The following NME7 variants were observed in gnomAD, a reference collection of about 807,000 sequenced individuals.
The protein encoded by NME7 is NME/NM23 family member 7.
Under a neutral mutation model 49.1 loss-of-function variants are expected in NME7, and 41 were observed. The ratio of observed to expected loss-of-function variants is 0.83; its 90% CI spans 0.65 to 1.08. NME7 has a LOEUF of 1.08. Among genes scored for constraint, NME7 ranks in the 50% least tolerant of loss-of-function variants. The probability of loss-of-function intolerance (pLI) is 0.00; values close to 1 mark genes in which losing one functional copy is unlikely to be tolerated. For synonymous variants in NME7, 139 were observed against 150.6 expected (o/e 0.92, Z 0.56); for missense variants, 423 against 463.4 (o/e 0.91, Z 0.80).
rs577854520 is a variant in NME7, at chr1:169,312,421, C to A, written c.279-2341G>T. ...GATTCATTGAGAGCCATCAGTGTAA[C>A]AATCTACCACTTAGTAATCCTCTTG... is the stretch of plus-strand genomic sequence containing the variant. On this transcript the variant is annotated intron_variant, in intron 3 of 11. Transcript: ENST00000367811. Among the ~76,000 whole-genome samples the A allele has an allele frequency of 3.6e-4, 55 of 152,342 alleles. 1 individual carries two copies. Among genetic ancestry groups the A allele is most frequent in the Admixed American group, 2.6e-3 (40 of 15,308 alleles).
At position 169,350,308 on chromosome 1, in the gene NME7, G is replaced by A. The variant is rs1653118144; in HGVS notation, c.3+17400C>T. Among the ~76,000 whole-genome samples the A allele has an allele frequency of 2.6e-5, 3 of 115,372 alleles. No homozygotes were observed. The South Asian group carries it at 8.1e-4, about 31-fold the overall frequency. 75.7% of individuals were successfully genotyped at this position (115,372 alleles called of 152,430 possible). On this transcript the variant is annotated intron_variant, in intron 1 of 11. Transcript: ENST00000367811. The stretch of plus-strand genomic sequence containing the variant: ...AAGGAAAGAGCCCTGCTCTCAAGGA[G>A]CTCACTCTCCTTAGTACATTACTGA...
intron 1 of NME7, among the ~76,000 whole-genome samples, chr1:169,349,241 T>A (rs1429511089): frequency 6.6e-6 from 1 of 152,220 alleles, no homozygotes; most frequent in South Asian, 2.1e-4. Context: ...TTTTAATATA[T>A]CCCCTCCAGT....
intron 7 of NME7, among the ~76,000 whole-genome samples, chr1:169,270,153 A>C (rs558692071): frequency 1.5e-5 from 2 of 134,672 alleles, no homozygotes; most frequent in East Asian, 4.0e-4. Context: ...TAAAACTTTA[A>C]AACAATCTTA....
At chr1:169,354,737 C>T (rs1418418343) in intron 1 of NME7, among the ~76,000 whole-genome samples, 1 of 141,896 alleles carries the variant, frequency 7.0e-6, no homozygotes, top group Non-Finnish European at 1.5e-5. Flanking sequence ...CACATACACA[C>T]ACCTAGTATA....
chr1:169,215,703 G>A (rs1660955993), intron 10 of NME7, among the ~76,000 whole-genome samples: 1 of 152,180 alleles, frequency 6.6e-6, no homozygotes, highest in African/African-American at 2.4e-5. Flanking sequence ...GGTAGGCTAA[G>A]GCAGATGAAT....
intron 3 of NME7, among the ~76,000 whole-genome samples, chr1:169,318,545 T>C (rs1016035067): frequency 6.6e-6 from 1 of 152,222 alleles, no homozygotes; most frequent in African/African-American, 2.4e-5. Context: ...GAATATTGTG[T>C]TAGTGCATAC....
At chr1:169,356,808 T>G (rs1327784355) in intron 1 of NME7, among the ~76,000 whole-genome samples, 1 of 152,166 alleles carries the variant, frequency 6.6e-6, no homozygotes. Flanking sequence ...CCAGTAACTT[T>G]AGGGAATCAA....
chr1:169,245,651 A>G (rs959363524), intron 7 of NME7, among the ~76,000 whole-genome samples: 7 of 152,214 alleles, frequency 4.6e-5, no homozygotes, highest in African/African-American at 1.7e-4. Flanking sequence ...ATTTAAATCA[A>G]ATTGGAAGGA....
chr1:169,264,661 T>A (rs886372344), intron 7 of NME7, among the ~76,000 whole-genome samples: 1 of 132,716 alleles, frequency 7.5e-6, no homozygotes, highest in Non-Finnish European at 1.8e-5. Flanking sequence ...TACACAATAA[T>A]AGTGGGAGAC....
At chr1:169,293,936 T>C (rs898001717) in intron 6 of NME7, among the ~76,000 whole-genome samples, 2 of 152,164 alleles carry the variant, frequency 1.3e-5, no homozygotes, top group Non-Finnish European at 2.9e-5. Flanking sequence ...ATAGACTTTT[T>C]TTTAACCGTA....
intron 10 of NME7, among the ~76,000 whole-genome samples, chr1:169,185,198 G>A (rs1471686569): frequency 2.0e-5 from 3 of 152,140 alleles, no homozygotes; most frequent in Non-Finnish European, 4.4e-5. Context: ...GGCCTCCACT[G>A]TTTGTAAGTC....
At chr1:169,158,540 G>C (rs912947809) in intron 11 of NME7, among the ~76,000 whole-genome samples, 2 of 152,042 alleles carry the variant, frequency 1.3e-5, no homozygotes, top group Non-Finnish European at 2.9e-5. Context: ...CTACTCTATA[G>C]ATATAAGGAG....
intron 10 of NME7, among the ~76,000 whole-genome samples, chr1:169,228,670 C>T (rs980379035): frequency 1.5e-5 from 2 of 131,718 alleles, no homozygotes; most frequent in Non-Finnish European, 3.1e-5. Flanking sequence ...GGCGACAGAG[C>T]GAGACTCCGT....
At chr1:169,326,715 C>G (rs12038609) in intron 1 of NME7, among the ~76,000 whole-genome samples, 2 of 152,132 alleles carry the variant, frequency 1.3e-5, no homozygotes, top group South Asian at 4.1e-4. Flanking sequence ...TTTACCTTTA[C>G]AGTAAAAACT....
At chr1:169,272,472 G>A (rs1385586764) in intron 7 of NME7, among the ~76,000 whole-genome samples, 3 of 92,404 alleles carry the variant, frequency 3.2e-5, no homozygotes, top group Admixed American at 1.4e-4. Context: ...AGGCCGCAGC[G>A]TGTGTTGTTC....
intron 9 of NME7, among the ~76,000 whole-genome samples, chr1:169,231,363 C>T (rs570902236): frequency 1.3e-5 from 2 of 152,206 alleles, no homozygotes; most frequent in Non-Finnish European, 2.9e-5. Context: ...TGTAGAATTG[C>T]TCTGTCTTAC....
intron 10 of NME7, among the ~76,000 whole-genome samples, chr1:169,188,286 ATG>A (rs941212631): frequency 2.6e-5 from 4 of 152,154 alleles, no homozygotes. Context: ...CTTTGTTTGA[ATG>A]TGTGGGTGTT....
intron 11 of NME7, among the ~76,000 whole-genome samples, chr1:169,141,104 T>C (rs1319987709): frequency 6.6e-6 from 1 of 152,206 alleles, no homozygotes; most frequent in Non-Finnish European, 1.5e-5. Flanking sequence ...AATGCAGATC[T>C]TGTTGACAAA....
chr1:169,280,714 C>T (rs1649973476), intron 7 of NME7, among the ~76,000 whole-genome samples: 1 of 147,806 alleles, frequency 6.8e-6, no homozygotes, highest in Admixed American at 6.7e-5. Context: ...AATAGGGAAT[C>T]TTTTCCCCAT....
Sources: gnomAD v4.1 joint callset for allele counts (sites outside exome capture counted in the v4.1 genomes callset) on GRCh38, gnomAD v4.1.1 for gene constraint, MANE v1.5 for transcripts, NCBI Gene and HGNC (gene_info 2026-07-23, HGNC 2026-07-21) for gene names.